TNS3: variants seen among roughly 807,000 people sequenced by gnomAD.
TNS3 encodes the protein tensin 3.
TNS3 carries 45 observed loss-of-function variants against 140.9 expected under a neutral mutation model. The ratio of observed to expected loss-of-function variants is 0.32; its 90% CI spans 0.25 to 0.41. TNS3 has a LOEUF of 0.41. TNS3 is among the 10% of genes least tolerant of loss of function. TNS3 has a pLI of 1.00. For missense variants in TNS3, 1,716 were observed against 1,906.7 expected, an observed-to-expected ratio of 0.90 and a Z score of 1.86; for synonymous variants, 815 against 788.4, an observed-to-expected ratio of 1.03 and a Z score of -0.56.
At chr7:47,352,358 ATT>A (rs2151035397) in intron 17 of TNS3, among the ~76,000 whole-genome samples, 1 of 152,212 alleles carries the variant, frequency 6.6e-6, no homozygotes, top group Admixed American at 6.5e-5. Flanking sequence ...TCTCACACTC[ATT>A]CTCACACTCA....
At chr7:47,413,756 C>T (rs1382721454) in intron 12 of TNS3, among the ~76,000 whole-genome samples, 181 bp downstream of exon 12, 2 of 151,956 alleles carry the variant, frequency 1.3e-5, no homozygotes, top group South Asian at 2.1e-4. Context: ...AGGGCCAAGG[C>T]GTGATGCTGG....
intron 1 of TNS3, among the ~76,000 whole-genome samples, chr7:47,547,266 G>A (rs1440620072): frequency 6.6e-6 from 1 of 152,126 alleles, no homozygotes; most frequent in Non-Finnish European, 1.5e-5. Context: ...AGGGCAAAGC[G>A]AAGAATTGTG....
intron 2 of TNS3, among the ~76,000 whole-genome samples, chr7:47,525,997 G>A (rs1799177939): frequency 6.6e-6 from 1 of 152,224 alleles, no homozygotes. Context: ...CCCAGGGAAG[G>A]CACCAAGACA....
intron 4 of TNS3, among the ~76,000 whole-genome samples, chr7:47,465,387 T>C (rs1796664087): frequency 6.6e-6 from 1 of 152,134 alleles, no homozygotes; most frequent in Non-Finnish European, 1.5e-5. Flanking sequence ...GTGTGTCATA[T>C]GATAAAAACA....
intron 16 of TNS3, among the ~76,000 whole-genome samples, chr7:47,376,864 G>C (rs190998486): frequency 6.6e-4 from 101 of 152,280 alleles, no homozygotes; most frequent in Admixed American, 1.1e-3. Context: ...TGGTGTCACA[G>C]CCGCTGCAGT....
At chr7:47,297,774 A>G (rs1786127663) in intron 23 of TNS3, among the ~76,000 whole-genome samples, 1 of 151,882 alleles carries the variant, frequency 6.6e-6, no homozygotes, top group Non-Finnish European at 1.5e-5. Context: ...CAACAGCATA[A>G]AAGGAAAGAA....
At chr7:47,447,075 T>A (rs1185559500) in intron 4 of TNS3, among the ~76,000 whole-genome samples, 1 of 81,546 alleles carries the variant, frequency 1.2e-5, no homozygotes, top group Non-Finnish European at 3.3e-5. Context: ...CTCAATGAGG[T>A]CAATGAGGTC....
At chr7:47,286,038 T>A (rs1451889706) in intron 27 of TNS3, among the ~76,000 whole-genome samples, 1 of 152,074 alleles carries the variant, frequency 6.6e-6, no homozygotes, top group Non-Finnish European at 1.5e-5. Flanking sequence ...AAAACAGACT[T>A]CACGAGAGGG....
chr7:47,542,067 G>A (rs553877345), intron 1 of TNS3, among the ~76,000 whole-genome samples: 31 of 152,130 alleles, frequency 2.0e-4, no homozygotes, highest in South Asian at 4.2e-4. Context: ...TGGGAGACTC[G>A]GGAGTTATGT....
At chr7:47,431,476 C>T (rs551043780) in intron 8 of TNS3, among the ~76,000 whole-genome samples, 6 of 152,178 alleles carry the variant, frequency 3.9e-5, no homozygotes, top group Admixed American at 3.9e-4. Context: ...GCCTGTAATC[C>T]CAGCTACTAG....
chr7:47,462,917 A>G (rs961726323), intron 4 of TNS3, among the ~76,000 whole-genome samples: 2 of 152,210 alleles, frequency 1.3e-5, no homozygotes, highest in Admixed American at 6.5e-5. Flanking sequence ...GTTCTCTCAG[A>G]TAGTAAAGCT....
chr7:47,397,893 G>C (rs1792927009), intron 15 of TNS3, among the ~76,000 whole-genome samples: 1 of 151,976 alleles, frequency 6.6e-6, no homozygotes, highest in South Asian at 2.1e-4. Context: ...ACAAAAAGCT[G>C]GTATTTTGAA....
chr7:47,535,973 C>T (rs1044213326), intron 1 of TNS3, among the ~76,000 whole-genome samples: 1 of 152,336 alleles, frequency 6.6e-6, no homozygotes, highest in Non-Finnish European at 1.5e-5. Context: ...CCTTCAGAGG[C>T]ATTCTGGAGA....
intron 4 of TNS3, among the ~76,000 whole-genome samples, chr7:47,462,123 A>T (rs1796514945): frequency 6.6e-6 from 1 of 152,222 alleles, no homozygotes; most frequent in South Asian, 2.1e-4. Flanking sequence ...AAGTTAACTG[A>T]TACTTCAGTT....
chr7:47,318,753 C>T (rs569337774), intron 20 of TNS3, among the ~76,000 whole-genome samples: 44 of 152,288 alleles, frequency 2.9e-4, no homozygotes, highest in African/African-American at 1.1e-3. Flanking sequence ...ATAATGTATA[C>T]ACCACGTCCA....
rs869256968 is a variant in TNS3 at position 47,368,313 on chromosome 7, GCCTCCCGTGGAGCA to G, written c.2281+38_2281+51del. The G allele has an allele frequency of 3.5e-4, 491 of 1,418,262 alleles. 3 individuals are homozygous for G. The Middle Eastern group carries it at 4.9e-3, about 14-fold the overall frequency. 87.9% of individuals were successfully genotyped at this position (1,418,262 alleles called of 1,614,324 possible). A position where few individuals can be genotyped will look rare whatever the true frequency, so the allele number is the denominator to read the frequency against. On this transcript the variant is annotated intron_variant, in intron 17 of 30. Transcript: ENST00000311160. Reference sequence around the variant, plus strand: ...TAGGCTGATTTCTCATCACACATTAGCCTCCCGTGGAGCACCTCCCGTGGAGCACCTCCCATGGA... The same window carrying G: ...TAGGCTGATTTCTCATCACACATTAGCCTCCCGTGGAGCACCTCCCATGGA...
chr7:47,575,554 G>A (rs1973035), intron 1 of TNS3, among the ~76,000 whole-genome samples: 133,556 of 152,060 alleles, frequency 0.88, 61,358 homozygotes, highest in East Asian at 1. Flanking sequence ...GGTGGCTCAC[G>A]CCTGTAATCC....
In TNS3 at chr7:47,411,712, A is replaced by G. The variant is rs1213545846; in HGVS notation, c.723+15T>C. ...TGGGGACACCAACCCATCTGCGGCC[A>G]CAGCGGGCACTCACCATGACATCTC... On this transcript the variant is annotated intron_variant, in intron 13 of 30. Transcript: ENST00000311160. The G allele has an allele frequency of 6.2e-7, 1 of 1,606,338 alleles. No individual in the cohort carries two copies. Among genetic ancestry groups the G allele is most frequent in the African/African-American group, 1.3e-5 (1 of 74,814 alleles).
chr7:47,416,082 C>A (rs1001069883), intron 10 of TNS3, among the ~76,000 whole-genome samples: 2 of 152,262 alleles, frequency 1.3e-5, no homozygotes, highest in Non-Finnish European at 2.9e-5. Flanking sequence ...ACATAACCTC[C>A]ACTGTAGCCT....
Sources: gnomAD v4.1 joint callset for allele counts (sites outside exome capture counted in the v4.1 genomes callset) on GRCh38, gnomAD v4.1.1 for gene constraint, MANE v1.5 for transcripts, NCBI Gene and HGNC (gene_info 2026-07-23, HGNC 2026-07-21) for gene names.